RPL21: variants seen among roughly 807,000 people sequenced by gnomAD.
The protein encoded by RPL21 is ribosomal protein L21.
RPL21 carries 1 observed loss-of-function variant against 21.2 expected under a neutral mutation model. That is an observed-to-expected ratio of 0.05 (90% CI 0.02 to 0.22). The LOEUF (loss-of-function observed/expected upper bound fraction) is 0.22, where lower values mean the gene tolerates loss of function less well. Among genes scored for constraint, RPL21 ranks in the 10% least tolerant of loss-of-function variants. RPL21 has a pLI of 1.00. For missense variants in RPL21, 113 were observed against 199.4 expected, an observed-to-expected ratio of 0.57 and a Z score of 2.61; for synonymous variants, 52 against 62.9, an observed-to-expected ratio of 0.83 and a Z score of 0.82.
intron 4 of RPL21, 103 bp downstream of exon 4, chr13:27,255,457 G>A (rs778212560): frequency 2.6e-6 from 2 of 773,728 alleles, no homozygotes; most frequent in South Asian, 1.3e-5. Flanking sequence ...TTCAAGTGGG[G>A]CAAAGGAAAT....
chr13:27,253,909 T>A, intron 2 of RPL21, 66 bp downstream of exon 2: 1 of 922,138 alleles, frequency 1.1e-6, no homozygotes, highest in Non-Finnish European at 1.8e-6. Flanking sequence ...GTTCAACATG[T>A]GTTGTAGTTC....
intron 1 of RPL21, among the ~76,000 whole-genome samples, chr13:27,253,515 G>A (rs1198691038): frequency 6.6e-6 from 1 of 152,226 alleles, no homozygotes; most frequent in African/African-American, 2.4e-5. Context: ...AAGGGTACTA[G>A]TTTGGATTCT....
rs1881838225 is a variant in RPL21 at position 27,255,159 on chromosome 13, T to C, written c.130-83T>C. ...CTCTTGAGTTGCCATTTGAAAGAAA[T>C]CTTAGAATACTTTGCAGTTACTTAA... On this transcript the variant is annotated intron_variant, in intron 3 of 5. Coordinates refer to ENST00000311549, the MANE Select transcript of RPL21 (RefSeq NM_000982.4). 6 of 787,648 alleles carry C rather than the reference T, an allele frequency of 7.6e-6. No individual in the cohort carries two copies. In the East Asian group the frequency reaches 1.5e-4, roughly 19 times the overall value. The allele number at this position is 787,648 out of a possible 1,614,324, so 48.8% of individuals were successfully genotyped here.
At chr13:27,253,194 C>G (rs780936299) in intron 1 of RPL21, among the ~76,000 whole-genome samples, 1 of 152,196 alleles carries the variant, frequency 6.6e-6, no homozygotes, top group African/African-American at 2.4e-5. Context: ...GAGCCTATGT[C>G]AAATTTAGGT....
At chr13:27,252,720 C>G (rs550874105) in intron 1 of RPL21, among the ~76,000 whole-genome samples, 1 of 152,294 alleles carries the variant, frequency 6.6e-6, no homozygotes, top group South Asian at 2.1e-4. Context: ...AAGGGTTCAT[C>G]CATTGTAACA....
At chr13:27,252,238 A>G (rs1881686003) in intron 1 of RPL21, among the ~76,000 whole-genome samples, 1 of 152,152 alleles carries the variant, frequency 6.6e-6, no homozygotes, top group African/African-American at 2.4e-5. Flanking sequence ...ACGAAGGGAA[A>G]GTGTTTTGAG....
chr13:27,254,337 C>G (rs1881787644), intron 3 of RPL21, 56 bp downstream of exon 3: 2 of 990,942 alleles, frequency 2.0e-6, no homozygotes, highest in Non-Finnish European at 3.2e-6. Context: ...TGGATTTAAT[C>G]TAGTGTAGGA....
intron 1 of RPL21, among the ~76,000 whole-genome samples, chr13:27,252,234 G>A (rs1166212879): frequency 6.6e-6 from 1 of 152,144 alleles, no homozygotes; most frequent in Non-Finnish European, 1.5e-5. Context: ...TCGGACGAAG[G>A]GAAAGTGTTT....
Position 27,253,767 on chromosome 13 carries a change from A to AT in RPL21, c.-8dup. ...ACTGTTCTGCTTTCTGGTTTCAGTA[A>AT]TTCGCCAAAATGACGAACACAAAGG... On this transcript the variant is annotated 5_prime_UTR_variant, in exon 2 of 6. Coordinates refer to ENST00000311549, the MANE Select transcript of RPL21 (RefSeq NM_000982.4). 6.3e-7 allele frequency: 1 copy of AT among 1,583,108 alleles called. No homozygotes were observed. Among genetic ancestry groups the AT allele is most frequent in the East Asian group, 2.2e-5 (1 of 44,704 alleles).
intron 3 of RPL21, chr13:27,254,996 G>T (rs1161560455): frequency 1.5e-6 from 1 of 671,126 alleles, no homozygotes. Context: ...CTATTACTAT[G>T]ATTAAAAACC....
intron 1 of RPL21, among the ~76,000 whole-genome samples, chr13:27,252,232 A>G (rs1278891156): frequency 6.6e-6 from 1 of 152,178 alleles, no homozygotes. Context: ...GATCGGACGA[A>G]GGGAAAGTGT....
In RPL21 at chr13:27,253,829, CT is replaced by C; in HGVS notation, c.57del (p.Phe19LeufsTer22). On this transcript the variant is annotated frameshift_variant, in exon 2 of 6. Coordinates refer to ENST00000311549, the MANE Select transcript of RPL21 (RefSeq NM_000982.4). LOFTEE classifies it high-confidence loss of function. The stretch of plus-strand genomic sequence containing the variant: ...GGCACCCGATATATGTTCTCTAGGC[CT>C]TTTAGAAAACATGGTAAGTAGGTTT... ...RRGTRYMFSR[P>X]FRKHGVVPLA... 3 of 1,595,096 alleles carry C rather than the reference CT, an allele frequency of 1.9e-6. No homozygotes were observed. The highest frequency in any genetic ancestry group is 2.6e-6 in the Non-Finnish European group (3 of 1,162,870).
intron 5 of RPL21, 22 bp downstream of exon 5, chr13:27,256,356 C>A: frequency 6.2e-7 from 1 of 1,606,930 alleles, no homozygotes; most frequent in African/African-American, 1.3e-5. Flanking sequence ...GTGTATATTT[C>A]ATTGGTTCTG....
intron 1 of RPL21, among the ~76,000 whole-genome samples, chr13:27,252,223 A>G (rs1163389255): frequency 6.6e-6 from 1 of 152,150 alleles, no homozygotes. Flanking sequence ...CCACATGGTG[A>G]TCGGACGAAG....
Position 27,256,483 on chromosome 13 carries a change from G to A in RPL21, c.441G>A (p.Glu147=), listed in dbSNP as rs746802559. 19 of 1,544,360 alleles carry A rather than the reference G, an allele frequency of 1.2e-5. No individual in the cohort carries two copies. Among genetic ancestry groups the A allele is most frequent in the East Asian group, 2.2e-5 (1 of 44,510 alleles). ...ACTTTGTGAGAACCAATGGGAAGGA[G>A]CCTGAGCTGCTGGAACCTATTCCCT... The part of the protein sequence containing the change: ...EAHFVRTNGK[E]PELLEPIPYE... The change falls in exon 6 of 6, where the codon GAG becomes GAA. Residue 147 remains glutamate (E), a synonymous_variant. Coordinates refer to ENST00000311549, the MANE Select transcript of RPL21 (RefSeq NM_000982.4).
At chr13:27,254,725 G>A (rs960536247) in intron 3 of RPL21, among the ~76,000 whole-genome samples, 2 of 152,186 alleles carry the variant, frequency 1.3e-5, no homozygotes, top group Non-Finnish European at 2.9e-5. Flanking sequence ...GTTTCTCCAT[G>A]TTGGTCAGGC....
intron 3 of RPL21, 120 bp from the exon 4 acceptor site, chr13:27,255,122 C>T (rs191692187): frequency 2.6e-5 from 20 of 776,572 alleles, no homozygotes; most frequent in Admixed American, 8.5e-5. Flanking sequence ...CACATTTCAC[C>T]GGCTCTGAAA....
chr13:27,253,059 C>T (rs1881722451), intron 1 of RPL21, among the ~76,000 whole-genome samples: 1 of 152,186 alleles, frequency 6.6e-6, no homozygotes. Context: ...TACTACTGAG[C>T]ACTTTACACG....
intron 1 of RPL21, chr13:27,251,787 G>C (rs1039445217): frequency 6.6e-6 from 1 of 152,550 alleles, no homozygotes; most frequent in Non-Finnish European, 1.5e-5. Context: ...GCTGAGAACC[G>C]GACTGCGATG....
Sources: gnomAD v4.1 joint callset for allele counts (sites outside exome capture counted in the v4.1 genomes callset) on GRCh38, gnomAD v4.1.1 for gene constraint, MANE v1.5 for transcripts, NCBI Gene and HGNC (gene_info 2026-07-23, HGNC 2026-07-21) for gene names.